KDM4B: variants seen among roughly 807,000 people sequenced by gnomAD.
KDM4B encodes the protein lysine demethylase 4B, also known as lysine-specific demethylase 4B.
A neutral mutation model predicts 125.2 loss-of-function variants in KDM4B; 32 were observed. That is an observed-to-expected ratio of 0.26 (90% CI 0.19 to 0.34). The LOEUF (loss-of-function observed/expected upper bound fraction) is 0.34, where lower values mean the gene tolerates loss of function less well. Among genes scored for constraint, KDM4B ranks in the 10% least tolerant of loss-of-function variants. The pLI is 1.00. For missense variants in KDM4B, 1,190 were observed against 1,577.7 expected, an observed-to-expected ratio of 0.75 and a Z score of 4.16; for synonymous variants, 721 against 677.9, an observed-to-expected ratio of 1.06 and a Z score of -0.99.
chr19:5,032,186 G>T (rs2036480259), intron 2 of KDM4B, among the ~76,000 whole-genome samples: 1 of 152,248 alleles, frequency 6.6e-6, no homozygotes, highest in African/African-American at 2.4e-5. Flanking sequence ...GATGTTTCCA[G>T]GCGGGTGCCG....
At chr19:5,055,099 C>T (rs1046485704) in intron 6 of KDM4B, among the ~76,000 whole-genome samples, 5 of 152,276 alleles carry the variant, frequency 3.3e-5, no homozygotes, top group Non-Finnish European at 4.4e-5. Flanking sequence ...CCTGATCAGC[C>T]TCCTGCCAAC....
intron 21 of KDM4B, among the ~76,000 whole-genome samples, chr19:5,147,472 G>A (rs781346383): frequency 6.6e-5 from 10 of 152,174 alleles, no homozygotes; most frequent in East Asian, 1.9e-4. Flanking sequence ...CCAGCCAGGC[G>A]CGGGGGCTCA....
At chr19:5,052,526 C>T (rs2037262722) in intron 6 of KDM4B, among the ~76,000 whole-genome samples, 1 of 152,176 alleles carries the variant, frequency 6.6e-6, no homozygotes, top group Non-Finnish European at 1.5e-5. Flanking sequence ...GGCTGCGGGC[C>T]TGCTCCCTTA....
chr19:5,039,717 G>T (rs973990819), intron 3 of KDM4B, 119 bp from the exon 4 acceptor site: 15 of 1,124,182 alleles, frequency 1.3e-5, no homozygotes, highest in Non-Finnish European at 1.8e-5. Flanking sequence ...CCCCTGGGGG[G>T]TGTCCCGAGG....
chr19:5,050,724 C>T (rs1599505234), intron 6 of KDM4B, among the ~76,000 whole-genome samples: 2 of 152,152 alleles, frequency 1.3e-5, no homozygotes, highest in African/African-American at 4.8e-5. Flanking sequence ...CACGGTGAAA[C>T]CCCGTCTCTA....
chr19:5,102,758 G>C (rs2038963028), intron 9 of KDM4B, among the ~76,000 whole-genome samples: 1 of 152,168 alleles, frequency 6.6e-6, no homozygotes, highest in Admixed American at 6.5e-5. Context: ...CCATAGGAGA[G>C]CCCTGGTCCA....
chr19:5,110,132 A>G (rs2039111834), intron 9 of KDM4B, among the ~76,000 whole-genome samples: 2 of 152,196 alleles, frequency 1.3e-5, no homozygotes, highest in Non-Finnish European at 2.9e-5. Flanking sequence ...GAGGCAAACC[A>G]GGGACTCACA....
intron 7 of KDM4B, among the ~76,000 whole-genome samples, chr19:5,071,415 G>C (rs1326021563): frequency 6.6e-6 from 1 of 152,240 alleles, no homozygotes; most frequent in African/African-American, 2.4e-5. Flanking sequence ...CCCACACTGT[G>C]CCCTTGCTAA....
intron 10 of KDM4B, chr19:5,112,128 CTGTGGTCCCA>C: frequency 3.0e-6 from 1 of 338,954 alleles, no homozygotes; most frequent in Non-Finnish European, 5.6e-6. Flanking sequence ...TGGTGTGCGC[CTGTGGTCCCA>C]ACTACTGAGA....
chr19:5,063,178 A>C (rs1295719414), intron 6 of KDM4B, among the ~76,000 whole-genome samples: 2 of 151,842 alleles, frequency 1.3e-5, no homozygotes, highest in Non-Finnish European at 2.9e-5. Flanking sequence ...GGAATTTTTG[A>C]TAGATATTAA....
intron 5 of KDM4B, among the ~76,000 whole-genome samples, chr19:5,043,354 A>G (rs2036890791): frequency 8.1e-6 from 1 of 123,220 alleles, no homozygotes; most frequent in Non-Finnish European, 1.6e-5. Context: ...CATTTATCGG[A>G]GTGGGGGTGT....
chr19:5,132,126 G>A, intron 13 of KDM4B, 119 bp downstream of exon 13: 1 of 1,267,842 alleles, frequency 7.9e-7, no homozygotes, highest in Non-Finnish European at 1.1e-6. Flanking sequence ...CTCCTCCCCT[G>A]AACCCAGGCC....
intron 9 of KDM4B, among the ~76,000 whole-genome samples, chr19:5,106,769 C>T (rs539036798): frequency 6.6e-6 from 1 of 152,238 alleles, no homozygotes; most frequent in African/African-American, 2.4e-5. Flanking sequence ...AGAGGGGGGG[C>T]CTTGCTTTGA....
intron 6 of KDM4B, among the ~76,000 whole-genome samples, chr19:5,061,519 A>C (rs2037596835): frequency 6.6e-6 from 1 of 152,178 alleles, no homozygotes; most frequent in Non-Finnish European, 1.5e-5. Context: ...GCTGGGGACA[A>C]ATGAGGGAGG....
intron 1 of KDM4B, among the ~76,000 whole-genome samples, chr19:5,003,106 C>T (rs985086575): frequency 6.6e-6 from 1 of 152,184 alleles, no homozygotes; most frequent in African/African-American, 2.4e-5. Context: ...CCGATTCCAC[C>T]GCCGTTCATT....
intron 1 of KDM4B, among the ~76,000 whole-genome samples, chr19:5,002,698 C>T (rs1042502359): frequency 2.0e-5 from 3 of 151,954 alleles, no homozygotes; most frequent in African/African-American, 7.2e-5. Context: ...CGGTGGCTTA[C>T]ACCTGTAGTC....
At chr19:5,024,948 C>T (rs2036233531) in intron 2 of KDM4B, among the ~76,000 whole-genome samples, 1 of 152,132 alleles carries the variant, frequency 6.6e-6, no homozygotes. Flanking sequence ...GACTCCGTCT[C>T]AAAAAACAAA....
At chr19:5,133,309 G>T (rs1028269318) in intron 13 of KDM4B, among the ~76,000 whole-genome samples, 1 of 152,208 alleles carries the variant, frequency 6.6e-6, no homozygotes, top group African/African-American at 2.4e-5. Flanking sequence ...TTCCTGGGGC[G>T]GGCTGCCTTG....
At chr19:5,074,755 C>G (rs539934969) in intron 7 of KDM4B, 1 of 152,462 alleles carries the variant, frequency 6.6e-6, no homozygotes, top group Non-Finnish European at 1.5e-5. Flanking sequence ...CCCGCCTCCC[C>G]GTGCGCCTGG....
Sources: gnomAD v4.1 joint callset for allele counts (sites outside exome capture counted in the v4.1 genomes callset) on GRCh38, gnomAD v4.1.1 for gene constraint, MANE v1.5 for transcripts, NCBI Gene and HGNC (gene_info 2026-07-23, HGNC 2026-07-21) for gene names.